The following ARHGAP28 variants were observed in gnomAD, a reference collection of about 807,000 sequenced individuals.
The protein encoded by ARHGAP28 is rho GTPase-activating protein 28.
In ARHGAP28, 56 loss-of-function variants were observed where a neutral mutation model predicts 90.7. The observed-to-expected ratio is 0.62, with a 90% confidence interval of 0.50 to 0.77. The LOEUF (loss-of-function observed/expected upper bound fraction) is 0.77. Ranked by LOEUF, ARHGAP28 falls within the 30% of genes least tolerant of loss-of-function variation. The pLI is 0.00. For synonymous variants in ARHGAP28, 308 were observed against 323.3 expected (o/e 0.95, Z 0.51); for missense variants, 869 against 900.9 (o/e 0.96, Z 0.45).
At chr18:6,841,489 T>C (rs1292253552) in intron 3 of ARHGAP28, among the ~76,000 whole-genome samples, 2 of 151,626 alleles carry the variant, frequency 1.3e-5, no homozygotes, top group Admixed American at 6.6e-5. Flanking sequence ...TATATCTTTA[T>C]ATTGTATAAA....
intron 3 of ARHGAP28, among the ~76,000 whole-genome samples, chr18:6,843,745 A>T (rs557549949): frequency 2.6e-5 from 4 of 152,204 alleles, no homozygotes; most frequent in Non-Finnish European, 5.9e-5. Flanking sequence ...TTTTCTTACA[A>T]TGAAAGTAAT....
At chr18:6,851,807 G>C (rs982329465) in intron 4 of ARHGAP28, among the ~76,000 whole-genome samples, 1 of 152,242 alleles carries the variant, frequency 6.6e-6, no homozygotes, top group East Asian at 1.9e-4. Flanking sequence ...AAAAATATTT[G>C]ATTCACACAA....
rs538187784 is a variant in ARHGAP28, at chr18:6,860,064, T to C, written c.726+167T>C. ...GTAGAACTACTAACTTTGTAAAAATTAGGAAGAAAGAGGCTCAAAATAAAT... is the reference window on the plus strand; with the variant it reads ...GTAGAACTACTAACTTTGTAAAAATCAGGAAGAAAGAGGCTCAAAATAAAT... On this transcript the variant is annotated intron_variant, in intron 5 of 17. Transcript: ENST00000383472. 1.7e-4 allele frequency among the ~76,000 whole-genome samples: 26 copies of C among 152,274 alleles called. No homozygotes were observed. The East Asian group carries it at 4.4e-3, about 26-fold the overall frequency.
chr18:6,892,062 A>T lies in ARHGAP28; in HGVS notation c.1848+1519A>T, dbSNP rs57971200. 2.7e-3 allele frequency among the ~76,000 whole-genome samples: 404 copies of T among 152,348 alleles called. 5 individuals carry two copies. The highest frequency in any genetic ancestry group is 9.2e-3 in the African/African-American group (382 of 41,586). Reference sequence around the variant, plus strand: ...CTCATGATAGGCAAAGTGACTTCATATCAAGTAGAACCAATACTTTTATTT... The same window carrying T: ...CTCATGATAGGCAAAGTGACTTCATTTCAAGTAGAACCAATACTTTTATTT... On this transcript the variant is annotated intron_variant, in intron 14 of 17. Transcript: ENST00000383472.
chr18:6,761,682 T>C (rs560663401), intron 1 of ARHGAP28, among the ~76,000 whole-genome samples: 1 of 152,352 alleles, frequency 6.6e-6, no homozygotes, highest in African/African-American at 2.4e-5. Context: ...AAGCCAAGCA[T>C]TGTTAATGAT....
At chr18:6,740,338 C>A (rs1032016302) in intron 1 of ARHGAP28, among the ~76,000 whole-genome samples, 5 of 152,130 alleles carry the variant, frequency 3.3e-5, no homozygotes, top group Non-Finnish European at 7.3e-5. Flanking sequence ...AAATCGTGCT[C>A]AAAAATTTAG....
At chr18:6,854,660 G>A (rs1567971349) in intron 4 of ARHGAP28, among the ~76,000 whole-genome samples, 1 of 152,116 alleles carries the variant, frequency 6.6e-6, no homozygotes, top group Non-Finnish European at 1.5e-5. Flanking sequence ...TGCCTTCCAT[G>A]GGGCCAGCAG....
At chr18:6,831,471 G>GTTTTTTTTTTTTTTTTTTTTTTTTT (rs57331018) in intron 2 of ARHGAP28, among the ~76,000 whole-genome samples, 5 of 109,306 alleles carry the variant, frequency 4.6e-5, no homozygotes, top group Admixed American at 1.0e-4. Flanking sequence ...GTATCTTGAT[G>GTTTTTTTTTTTTTTTTTTTTTTTTT]TTTTTTTTTT....
At chr18:6,870,809 T>C (rs1367831078) in intron 7 of ARHGAP28, 77 bp downstream of exon 7, 6 of 1,466,706 alleles carry the variant, frequency 4.1e-6, no homozygotes, top group Non-Finnish European at 5.5e-6. Context: ...CTTTTTCTTT[T>C]TTTTTTTTGA....
At chr18:6,894,108 C>T (rs376410861) in intron 14 of ARHGAP28, among the ~76,000 whole-genome samples, 195 of 152,268 alleles carry the variant, frequency 1.3e-3, no homozygotes, top group African/African-American at 4.5e-3. Flanking sequence ...ATCTCATGAT[C>T]TCCCTACCTT....
At chr18:6,751,713 G>A (rs1364845512) in intron 1 of ARHGAP28, among the ~76,000 whole-genome samples, 1 of 152,178 alleles carries the variant, frequency 6.6e-6, no homozygotes, top group Non-Finnish European at 1.5e-5. Flanking sequence ...TGAACTGCCA[G>A]CCCTGGCAAC....
chr18:6,865,728 C>T (rs934588780), intron 5 of ARHGAP28, among the ~76,000 whole-genome samples: 3 of 152,128 alleles, frequency 2.0e-5, no homozygotes, highest in African/African-American at 4.8e-5. Context: ...AAAACTATAG[C>T]AGATAGTACC....
At position 6,914,513 on chromosome 18, in the gene ARHGAP28, T is replaced by C. The variant is rs913739847; in HGVS notation, c.*2359T>C. On this transcript the variant is annotated 3_prime_UTR_variant, in exon 18 of 18. Transcript: ENST00000383472. The stretch of plus-strand genomic sequence containing the variant: ...GTGGAGGTTCTTTTGACCAATTTTA[T>C]TCCTAAGAATAAACAAACCCCTACA... 1 of 152,196 alleles carries C rather than the reference T, an allele frequency of 6.6e-6. No individual in the cohort carries two copies. The highest frequency in any genetic ancestry group is 2.4e-5 in the African/African-American group (1 of 41,452). 9.4% of individuals were successfully genotyped at this position (152,196 alleles called of 1,614,324 possible).
At chr18:6,736,537 C>T (rs1319840180) in intron 1 of ARHGAP28, among the ~76,000 whole-genome samples, 2 of 150,866 alleles carry the variant, frequency 1.3e-5, no homozygotes, top group Non-Finnish European at 2.9e-5. Context: ...GTCGGGAGTT[C>T]GAGACCAGCC....
At chr18:6,751,644 A>G (rs1194887267) in intron 1 of ARHGAP28, among the ~76,000 whole-genome samples, 1 of 152,236 alleles carries the variant, frequency 6.6e-6, no homozygotes, top group Admixed American at 6.5e-5. Context: ...AGAAGAAAAT[A>G]TTGTCCCACT....
At chr18:6,896,375 A>T in intron 15 of ARHGAP28, 127 bp from the exon 16 acceptor site, 2 of 1,085,446 alleles carry the variant, frequency 1.8e-6, no homozygotes, top group Non-Finnish European at 2.6e-6. Flanking sequence ...CATTCTGGTT[A>T]ATGTTGATCA....
chr18:6,903,087 T>G (rs946441341), intron 16 of ARHGAP28, among the ~76,000 whole-genome samples: 2 of 152,140 alleles, frequency 1.3e-5, no homozygotes, highest in Non-Finnish European at 2.9e-5. Context: ...GTGACGCCAC[T>G]TAAGTTATGG....
At chr18:6,882,893 G>A (rs2057190040) in intron 11 of ARHGAP28, among the ~76,000 whole-genome samples, 1 of 152,150 alleles carries the variant, frequency 6.6e-6, no homozygotes, top group South Asian at 2.1e-4. Flanking sequence ...TATAAAGTGT[G>A]TGTTGTAATT....
chr18:6,819,928 G>A (rs2056615740), intron 1 of ARHGAP28, among the ~76,000 whole-genome samples: 1 of 152,118 alleles, frequency 6.6e-6, no homozygotes. Context: ...CCAAATAGAG[G>A]AAAAGCCTTG....
Sources: allele counts gnomAD v4.1 joint callset (sites outside exome capture counted in the v4.1 genomes callset), GRCh38; gene constraint gnomAD v4.1.1; transcripts MANE v1.5; gene names NCBI Gene and HGNC (gene_info 2026-07-23, HGNC 2026-07-21).